The following BCL2 variants were observed in gnomAD, a reference collection of about 807,000 sequenced individuals.
The protein encoded by BCL2 is BCL2 apoptosis regulator, also known as apoptosis regulator Bcl-2.
BCL2 carries 1 observed loss-of-function variant against 14.2 expected under a neutral mutation model. The ratio of observed to expected loss-of-function variants is 0.07; its 90% CI spans 0.02 to 0.33. BCL2 has a LOEUF of 0.33. Ranked by LOEUF, BCL2 falls within the 10% of genes least tolerant of loss-of-function variation. BCL2 has a pLI of 0.99. For missense variants in BCL2, 247 were observed against 305.9 expected, an observed-to-expected ratio of 0.81 and a Z score of 1.44; for synonymous variants, 151 against 137.2, an observed-to-expected ratio of 1.10 and a Z score of -0.70.
chr18:63,294,502 C>T (rs1480491688), intron 2 of BCL2, among the ~76,000 whole-genome samples: 1 of 151,960 alleles, frequency 6.6e-6, no homozygotes, highest in Non-Finnish European at 1.5e-5. Context: ...AACCCTGTCT[C>T]TACTAAAAAT....
intron 2 of BCL2, among the ~76,000 whole-genome samples, chr18:63,153,493 G>A (rs1385177109): frequency 6.6e-6 from 1 of 152,172 alleles, no homozygotes; most frequent in Non-Finnish European, 1.5e-5. Flanking sequence ...AGCCAGTTAA[G>A]CTCTTTTTGC....
At chr18:63,240,355 T>C (rs1330183801) in intron 2 of BCL2, among the ~76,000 whole-genome samples, 1 of 152,130 alleles carries the variant, frequency 6.6e-6, no homozygotes, top group Admixed American at 6.5e-5. Context: ...TTAAGACCCA[T>C]AGCATTTAAT....
At chr18:63,187,526 T>C (rs1445281162) in intron 2 of BCL2, among the ~76,000 whole-genome samples, 1 of 152,228 alleles carries the variant, frequency 6.6e-6, no homozygotes, top group African/African-American at 2.4e-5. Context: ...TAAAACCAAG[T>C]TGGATGTCTG....
chr18:63,292,132 C>T (rs773750431), intron 2 of BCL2, among the ~76,000 whole-genome samples: 10 of 149,998 alleles, frequency 6.7e-5, no homozygotes, highest in African/African-American at 1.5e-4. Context: ...ATGTTTCTAA[C>T]GACACAGAAA....
At chr18:63,252,660 T>C (rs1012678554) in intron 2 of BCL2, among the ~76,000 whole-genome samples, 4 of 152,236 alleles carry the variant, frequency 2.6e-5, no homozygotes, top group Admixed American at 2.0e-4. Context: ...CCTCTCCTCT[T>C]GTCTGCCACG....
chr18:63,237,268 G>A (rs1218813097), intron 2 of BCL2, among the ~76,000 whole-genome samples: 1 of 152,024 alleles, frequency 6.6e-6, no homozygotes, highest in African/African-American at 2.4e-5. Flanking sequence ...AGGTGGGCGT[G>A]GCCTCGATCA....
At chr18:63,179,726 T>G (rs952183028) in intron 2 of BCL2, among the ~76,000 whole-genome samples, 3 of 152,154 alleles carry the variant, frequency 2.0e-5, no homozygotes, top group Non-Finnish European at 4.4e-5. Flanking sequence ...ATTGATTAAG[T>G]CAAGAGATTC....
At chr18:63,313,651 T>C (rs1913404467) in intron 2 of BCL2, among the ~76,000 whole-genome samples, 1 of 152,168 alleles carries the variant, frequency 6.6e-6, no homozygotes, top group African/African-American at 2.4e-5. Flanking sequence ...TAAGACACAA[T>C]GAGTGACCTT....
chr18:63,222,225 G>T (rs916220430), intron 2 of BCL2, among the ~76,000 whole-genome samples: 1 of 140,284 alleles, frequency 7.1e-6, no homozygotes, highest in African/African-American at 2.7e-5. Context: ...AGTGAGCCGA[G>T]ATCGCACCAC....
chr18:63,271,230 C>T (rs972176708), intron 2 of BCL2, among the ~76,000 whole-genome samples: 2 of 152,154 alleles, frequency 1.3e-5, no homozygotes, highest in Non-Finnish European at 2.9e-5. Context: ...AGGCACTCTT[C>T]CTCTTTCCCA....
chr18:63,214,205 C>A (rs561902711), intron 2 of BCL2, among the ~76,000 whole-genome samples: 3 of 152,212 alleles, frequency 2.0e-5, no homozygotes, highest in Non-Finnish European at 4.4e-5. Flanking sequence ...GAAGTGCCAG[C>A]AGACACCAGC....
intron 2 of BCL2, among the ~76,000 whole-genome samples, chr18:63,137,744 G>T (rs1371893455): frequency 1.3e-5 from 2 of 152,138 alleles, no homozygotes; most frequent in Admixed American, 6.5e-5. Context: ...AAACTCATTT[G>T]GCCCCTAACC....
At chr18:63,263,513 AT>A (rs1015561466) in intron 2 of BCL2, among the ~76,000 whole-genome samples, 4 of 152,306 alleles carry the variant, frequency 2.6e-5, no homozygotes, top group Middle Eastern at 3.4e-3. Context: ...ATTGGACTGT[AT>A]TACAGAACAA....
chr18:63,213,547 A>C (rs34831717), intron 2 of BCL2, among the ~76,000 whole-genome samples: 2,565 of 146,266 alleles, frequency 0.018, 60 homozygotes, highest in African/African-American at 0.06. Context: ...CACACACATA[A>C]ACACACACAC....
chr18:63,257,851 C>T (rs1375273426), intron 2 of BCL2, among the ~76,000 whole-genome samples: 1 of 152,090 alleles, frequency 6.6e-6, no homozygotes, highest in East Asian at 1.9e-4. Flanking sequence ...TGAGAGAAGA[C>T]ACAGACGAGG....
intron 2 of BCL2, among the ~76,000 whole-genome samples, chr18:63,273,555 C>T (rs189227762): frequency 6.6e-6 from 1 of 152,332 alleles, no homozygotes; most frequent in Admixed American, 6.5e-5. Context: ...ATACTCAAAT[C>T]TGTCCTTCGA....
At chr18:63,179,289 A>G (rs1349176555) in intron 2 of BCL2, among the ~76,000 whole-genome samples, 2 of 152,166 alleles carry the variant, frequency 1.3e-5, no homozygotes, top group African/African-American at 4.8e-5. Flanking sequence ...TGAGTTCTCT[A>G]GACATGGGCA....
At chr18:63,229,728 A>G (rs772361676) in intron 2 of BCL2, among the ~76,000 whole-genome samples, 4 of 152,236 alleles carry the variant, frequency 2.6e-5, no homozygotes, top group Admixed American at 6.5e-5. Flanking sequence ...CCGTAAGTCA[A>G]TTAAACCTCT....
intron 2 of BCL2, among the ~76,000 whole-genome samples, chr18:63,186,771 C>A (rs1915602110): frequency 6.6e-6 from 1 of 152,164 alleles, no homozygotes; most frequent in Non-Finnish European, 1.5e-5. Flanking sequence ...ATGGAAATCC[C>A]TAACTGTGGT....
Sources: gnomAD v4.1 joint callset for allele counts (sites outside exome capture counted in the v4.1 genomes callset) on GRCh38, gnomAD v4.1.1 for gene constraint, MANE v1.5 for transcripts, NCBI Gene and HGNC (gene_info 2026-07-23, HGNC 2026-07-21) for gene names.